The following BRSK2 variants were observed in gnomAD, a reference collection of about 807,000 sequenced individuals.
BRSK2 encodes serine/threonine-protein kinase BRSK2.
Under a neutral mutation model 83.3 loss-of-function variants are expected in BRSK2, and 19 were observed. The observed-to-expected ratio is 0.23, with a 90% CI of 0.16 to 0.33. BRSK2 has a LOEUF of 0.33. BRSK2 is among the 10% of genes least tolerant of loss of function. BRSK2 has a pLI of 1.00. For synonymous variants in BRSK2, 519 were observed against 435.4 expected (o/e 1.19, Z -2.39); for missense variants, 798 against 1,042.3 (o/e 0.77, Z 3.23).
intron 2 of BRSK2, among the ~76,000 whole-genome samples, chr11:1,437,259 G>T (rs117562956): frequency 2.0e-5 from 3 of 152,150 alleles, no homozygotes; most frequent in Non-Finnish European, 4.4e-5. Flanking sequence ...ACAGATGTCC[G>T]CCTGGGAGGG....
intron 1 of BRSK2, among the ~76,000 whole-genome samples, chr11:1,401,707 G>A (rs1355336623): frequency 2.0e-5 from 3 of 152,244 alleles, no homozygotes; most frequent in Admixed American, 6.5e-5. Context: ...GGACACAGCA[G>A]GGAGTTTGCC....
chr11:1,397,333 G>A (rs1391522505), intron 1 of BRSK2, among the ~76,000 whole-genome samples: 1 of 152,226 alleles, frequency 6.6e-6, no homozygotes, highest in Non-Finnish European at 1.5e-5. Flanking sequence ...TGCCAAGCCG[G>A]CTGCCTTTCA....
intron 1 of BRSK2, among the ~76,000 whole-genome samples, chr11:1,418,328 G>A (rs1848313900): frequency 6.7e-6 from 1 of 148,750 alleles, no homozygotes; most frequent in Non-Finnish European, 1.5e-5. Flanking sequence ...TCTCTTGAGA[G>A]TGGGTCACCT....
chr11:1,399,419 C>T lies in BRSK2; in HGVS notation c.91+9044C>T, dbSNP rs552587261. On this transcript the variant is annotated intron_variant, in intron 1 of 19. Transcript: ENST00000528841. ...GAGATGGCTTGTGGGCCAGGATGCC[C>T]GAGGGTGGGGAGAAGCAGCTCAGAT... Among the ~76,000 whole-genome samples, 181 of 152,232 alleles carry T rather than the reference C, an allele frequency of 1.2e-3. 1 individual carries two copies. Among genetic ancestry groups the T allele is most frequent in the Admixed American group, 2.3e-3 (35 of 15,292 alleles).
At chr11:1,449,671 G>C (rs140652968) in intron 12 of BRSK2, 105 bp from the exon 13 acceptor site, 16 of 941,376 alleles carry the variant, frequency 1.7e-5, no homozygotes, top group Non-Finnish European at 2.4e-5. Context: ...CTCTTGGCCC[G>C]GGCTCCAGGC....
intron 1 of BRSK2, chr11:1,410,529 C>T: frequency 2.0e-6 from 2 of 985,508 alleles, no homozygotes; most frequent in South Asian, 9.4e-5. Context: ...CTTCAAAGGC[C>T]TCACTGCTGA....
chr11:1,458,585 G>A (rs1164050539), intron 18 of BRSK2, among the ~76,000 whole-genome samples: 2 of 152,178 alleles, frequency 1.3e-5, no homozygotes, highest in African/African-American at 4.8e-5. Context: ...CCGAGGGAGG[G>A]GAGGCTGAGA....
At chr11:1,433,356 T>C (rs559873226) in intron 1 of BRSK2, among the ~76,000 whole-genome samples, 1 of 152,346 alleles carries the variant, frequency 6.6e-6, no homozygotes, top group South Asian at 2.1e-4. Context: ...TGGGGCAGGG[T>C]GTGGGCCCTT....
intron 1 of BRSK2, among the ~76,000 whole-genome samples, chr11:1,404,843 G>A (rs560116867): frequency 8.7e-4 from 132 of 152,268 alleles, no homozygotes; most frequent in South Asian, 1.7e-3. Context: ...AGGCAGGCTC[G>A]CCGGGCTGGG....
At chr11:1,411,321 G>T in intron 1 of BRSK2, 2 of 1,355,716 alleles carry the variant, frequency 1.5e-6, no homozygotes, top group Non-Finnish European at 1.9e-6. Flanking sequence ...GGGTCCTGAA[G>T]CTGGGGCCGG....
chr11:1,391,346 G>T (rs1455430232), intron 1 of BRSK2, among the ~76,000 whole-genome samples: 2 of 152,204 alleles, frequency 1.3e-5, no homozygotes, highest in African/African-American at 4.8e-5. Context: ...AGACCCGGGC[G>T]GGCAGGGGTG....
intron 1 of BRSK2, among the ~76,000 whole-genome samples, chr11:1,396,359 A>C (rs1260541859): frequency 6.6e-6 from 1 of 151,932 alleles, no homozygotes; most frequent in Admixed American, 6.6e-5. Flanking sequence ...AGGACACCAG[A>C]GTTGCTCGGA....
chr11:1,410,983 G>A (rs970432846), intron 1 of BRSK2: 3 of 980,552 alleles, frequency 3.1e-6, no homozygotes, highest in Non-Finnish European at 3.6e-6. Context: ...CCCGCTGAGG[G>A]GGGCAGGAGC....
chr11:1,391,615 A>G (rs1306931159), intron 1 of BRSK2, among the ~76,000 whole-genome samples: 1 of 152,158 alleles, frequency 6.6e-6, no homozygotes, highest in Admixed American at 6.5e-5. Flanking sequence ...GCCACAGGGC[A>G]GGACCTGGGC....
chr11:1,407,168 T>G (rs1846940809), intron 1 of BRSK2, among the ~76,000 whole-genome samples: 1 of 152,130 alleles, frequency 6.6e-6, no homozygotes, highest in Non-Finnish European at 1.5e-5. Flanking sequence ...GAGGCTGCTG[T>G]GGTGGCTGTG....
intron 1 of BRSK2, among the ~76,000 whole-genome samples, chr11:1,418,223 T>C (rs1848297954): frequency 6.8e-6 from 1 of 147,840 alleles, no homozygotes; most frequent in Middle Eastern, 3.3e-3. Flanking sequence ...CTGTTTCTTC[T>C]CTTGAGAGTG....
intron 12 of BRSK2, among the ~76,000 whole-genome samples, chr11:1,448,874 C>T (rs1852577166): frequency 6.6e-6 from 1 of 152,266 alleles, no homozygotes; most frequent in Non-Finnish European, 1.5e-5. Flanking sequence ...TCTCCACGGT[C>T]CGGGGCCTGG....
intron 3 of BRSK2, among the ~76,000 whole-genome samples, chr11:1,439,824 C>T (rs1850920382): frequency 6.6e-6 from 1 of 151,936 alleles, no homozygotes; most frequent in African/African-American, 2.4e-5. Flanking sequence ...ACACCCTCCC[C>T]TGCCCTGAGG....
chr11:1,403,163 C>CG (rs1165602587), intron 1 of BRSK2, among the ~76,000 whole-genome samples: 5 of 152,182 alleles, frequency 3.3e-5, no homozygotes, highest in Non-Finnish European at 4.4e-5. Context: ...GCCTTATCCT[C>CG]GGGGGGTCTG....
Sources: allele counts gnomAD v4.1 joint callset (sites outside exome capture counted in the v4.1 genomes callset), GRCh38; gene constraint gnomAD v4.1.1; transcripts MANE v1.5; gene names NCBI Gene and HGNC (gene_info 2026-07-23, HGNC 2026-07-21).